CFAP61: variants seen among roughly 807,000 people sequenced by gnomAD.
CFAP61 encodes cilia and flagella associated protein 61, also known as cilia- and flagella-associated protein 61.
A neutral mutation model predicts 135.6 loss-of-function variants in CFAP61; 107 were observed. The observed-to-expected ratio is 0.79, with a 90% CI of 0.67 to 0.93. CFAP61 has a LOEUF of 0.93. Among genes scored for constraint, CFAP61 ranks in the 40% least tolerant of loss-of-function variants. The probability of loss-of-function intolerance (pLI) is 0.00; values close to 1 mark genes in which losing one functional copy is unlikely to be tolerated. For missense variants in CFAP61, 1,507 were observed against 1,556.2 expected, an observed-to-expected ratio of 0.97 and a Z score of 0.53; for synonymous variants, 575 against 578.5, an observed-to-expected ratio of 0.99 and a Z score of 0.09.
chr20:20,280,592 A>G (rs2054132341), intron 22 of CFAP61, among the ~76,000 whole-genome samples: 1 of 152,172 alleles, frequency 6.6e-6, no homozygotes, highest in Admixed American at 6.5e-5. Flanking sequence ...ATATAGTTCC[A>G]TGTATCAATA....
chr20:20,192,284 G>A lies in CFAP61; in HGVS notation c.1590+865G>A, dbSNP rs191218627. Among the ~76,000 whole-genome samples the A allele has an allele frequency of 3.9e-4, 59 of 152,040 alleles. No homozygotes were observed. The East Asian group carries it at 6.9e-3, about 18-fold the overall frequency. On this transcript the variant is annotated intron_variant, in intron 15 of 26. Transcript: ENST00000245957. ...TCTTTCATGTGGTTTTCTTTGCATCGTATTTTGTGCCATATGAGTTTTTGT... is the reference window on the plus strand; with the variant it reads ...TCTTTCATGTGGTTTTCTTTGCATCATATTTTGTGCCATATGAGTTTTTGT...
intron 17 of CFAP61, among the ~76,000 whole-genome samples, chr20:20,217,823 G>A (rs2048138165): frequency 6.6e-6 from 1 of 152,170 alleles, no homozygotes; most frequent in Non-Finnish European, 1.5e-5. Flanking sequence ...GTCTCCCTCT[G>A]TGTCTGCTTC....
chr20:20,185,832 G>A (rs1370883549), intron 13 of CFAP61, among the ~76,000 whole-genome samples: 2 of 152,094 alleles, frequency 1.3e-5, no homozygotes, highest in Non-Finnish European at 2.9e-5. Context: ...TATACATATG[G>A]TATTGTTATA....
intron 24 of CFAP61, 65 bp downstream of exon 24, chr20:20,290,456 A>G: frequency 9.1e-7 from 1 of 1,101,784 alleles, no homozygotes; most frequent in Non-Finnish European, 1.4e-6. Context: ...AGAGGATGAA[A>G]TTCTTTACTT....
At chr20:20,149,545 G>A (rs2052220917) in intron 9 of CFAP61, among the ~76,000 whole-genome samples, 1 of 152,332 alleles carries the variant, frequency 6.6e-6, no homozygotes, top group South Asian at 2.1e-4. Flanking sequence ...AAAGTGTGAG[G>A]GGGGAAACTT....
chr20:20,103,494 G>C (rs546595895), intron 8 of CFAP61, among the ~76,000 whole-genome samples: 20 of 152,226 alleles, frequency 1.3e-4, no homozygotes, highest in Admixed American at 3.3e-4. Context: ...TGTGGAAGTA[G>C]CAAGTTCCCA....
At position 20,145,481 on chromosome 20, in the gene CFAP61, T is replaced by C. The variant is rs184704361; in HGVS notation, c.951+2533T>C. On this transcript the variant is annotated intron_variant, in intron 9 of 26. Coordinates refer to ENST00000245957, the MANE Select transcript of CFAP61 (RefSeq NM_015585.4). ...AAGAGAGGAAAAAGGGAGCAAAGAC[T>C]AGATGGGACAAATTACAAGATGACA... is the stretch of plus-strand genomic sequence containing the variant. Among the ~76,000 whole-genome samples, 450 of 152,214 alleles carry C rather than the reference T, an allele frequency of 3.0e-3. 4 individuals are homozygous for C. Among genetic ancestry groups the C allele is most frequent in the Non-Finnish European group, 4.4e-3 (296 of 67,984 alleles).
Position 20,157,955 on chromosome 20 carries a change from G to A in CFAP61, c.952-1415G>A, listed in dbSNP as rs143249035. On this transcript the variant is annotated intron_variant, in intron 9 of 26. Transcript: ENST00000245957. ...AAGTAAAAAAGCTAATTAAAAATAG[G>A]CAAAAGATCATCATTCTCAGTAAAC... 8.2e-4 allele frequency among the ~76,000 whole-genome samples: 124 copies of A among 152,040 alleles called. 1 individual carries two copies. The highest frequency in any genetic ancestry group is 2.5e-3 in the African/African-American group (103 of 41,468).
chr20:20,116,678 A>G (rs774163413), intron 8 of CFAP61, among the ~76,000 whole-genome samples: 2 of 152,134 alleles, frequency 1.3e-5, no homozygotes, highest in Non-Finnish European at 2.9e-5. Context: ...CTACTGATCT[A>G]TCAAACACTG....
chr20:20,057,495 A>G (rs986082227), intron 2 of CFAP61, among the ~76,000 whole-genome samples: 51 of 152,354 alleles, frequency 3.3e-4, no homozygotes, highest in African/African-American at 1.2e-3. Flanking sequence ...GGCCACTATC[A>G]TGTCCATCTC....
chr20:20,254,446 C>G (rs1342137957), intron 20 of CFAP61, among the ~76,000 whole-genome samples: 1 of 151,892 alleles, frequency 6.6e-6, no homozygotes. Context: ...CCCAGAGCCT[C>G]GGGCATCTGC....
intron 18 of CFAP61, among the ~76,000 whole-genome samples, chr20:20,243,672 C>T (rs1364159322): frequency 6.6e-6 from 1 of 151,942 alleles, no homozygotes. Context: ...CCTGACCTCA[C>T]GTGATCCACC....
intron 9 of CFAP61, among the ~76,000 whole-genome samples, chr20:20,153,487 AAGAAG>A (rs2052625458): frequency 6.6e-6 from 1 of 152,134 alleles, no homozygotes; most frequent in Admixed American, 6.5e-5. Context: ...TAACCAAGAA[AAGAAG>A]AGAGAAGATC....
chr20:20,196,143 A>C (rs2056269151), intron 15 of CFAP61, among the ~76,000 whole-genome samples: 2 of 152,228 alleles, frequency 1.3e-5, no homozygotes, highest in African/African-American at 4.8e-5. Flanking sequence ...TAACAGGTGA[A>C]TAGTAATGCA....
intron 9 of CFAP61, among the ~76,000 whole-genome samples, chr20:20,146,455 G>A (rs1385669688): frequency 6.6e-6 from 1 of 152,158 alleles, no homozygotes; most frequent in Non-Finnish European, 1.5e-5. Flanking sequence ...GCTGCTGGAA[G>A]AAAATACCCC....
chr20:20,263,106 A>C lies in CFAP61; in HGVS notation c.2479A>C (p.Arg827=), dbSNP rs774669437. The C allele has an allele frequency of 1.2e-6, 2 of 1,613,772 alleles. No homozygotes were observed. The highest frequency in any genetic ancestry group is 2.2e-5 in the South Asian group (2 of 91,042). Residue 827 remains arginine (R), a synonymous_variant, in exon 21 of 27, where the codon AGG becomes CGG. Transcript: ENST00000245957. The stretch of plus-strand genomic sequence containing the variant: ...TTGCTTTAAGGCACTGATTTGGATA[A>C]GGAATAACTCCATCACCACAGAAGG... ...EDCFKALIWI[R]NNSITTEGNI...
intron 2 of CFAP61, among the ~76,000 whole-genome samples, chr20:20,060,009 C>A (rs989824237): frequency 2.0e-5 from 3 of 151,634 alleles, no homozygotes; most frequent in Non-Finnish European, 4.4e-5. Flanking sequence ...AGAGAAATCC[C>A]AACTGTACCC....
At chr20:20,211,454 C>G (rs1205473732) in intron 17 of CFAP61, among the ~76,000 whole-genome samples, 6 of 152,150 alleles carry the variant, frequency 3.9e-5, no homozygotes, top group Non-Finnish European at 8.8e-5. Flanking sequence ...GTCATGATCT[C>G]CATAGTAACC....
intron 8 of CFAP61, among the ~76,000 whole-genome samples, chr20:20,138,440 A>T (rs1043484885): frequency 7.3e-5 from 11 of 151,410 alleles, no homozygotes; most frequent in African/African-American, 1.7e-4. Context: ...GGCTGATGCA[A>T]ATGCTCCCTC....
Sources: gnomAD v4.1 joint callset for allele counts (sites outside exome capture counted in the v4.1 genomes callset) on GRCh38, gnomAD v4.1.1 for gene constraint, MANE v1.5 for transcripts, NCBI Gene and HGNC (gene_info 2026-07-23, HGNC 2026-07-21) for gene names.